PDZRN3: variants seen among roughly 807,000 people sequenced by gnomAD.
PDZRN3 encodes the protein E3 ubiquitin-protein ligase PDZRN3.
A neutral mutation model predicts 85.7 loss-of-function variants in PDZRN3; 38 were observed. The ratio of observed to expected loss-of-function variants is 0.44; its 90% CI spans 0.34 to 0.58. The LOEUF (loss-of-function observed/expected upper bound fraction) is 0.58. PDZRN3 is among the 20% of genes least tolerant of loss of function. The probability of loss-of-function intolerance (pLI) is 0.01; values close to 1 mark genes in which losing one functional copy is unlikely to be tolerated. For missense variants in PDZRN3, 1,629 were observed against 1,506.4 expected, an observed-to-expected ratio of 1.08 and a Z score of -1.35; for synonymous variants, 759 against 638.0, an observed-to-expected ratio of 1.19 and a Z score of -2.86.
Position 73,624,848 on chromosome 3 carries a change from CGCCGCCGG to C in PDZRN3, c.-31_-24del. 1 of 1,270,468 alleles carries C rather than the reference CGCCGCCGG, an allele frequency of 7.9e-7. No individual in the cohort carries two copies. The highest frequency in any genetic ancestry group is 9.9e-7 in the Non-Finnish European group (1 of 1,010,552). The allele number at this position is 1,270,468 out of a possible 1,614,324, so 78.7% of individuals were successfully genotyped here. A position where few individuals can be genotyped will look rare whatever the true frequency, so the allele number is the denominator to read the frequency against. ...CATGGTGGCGGCCAGGCCCCGGGGT[CGCCGCCGG>C]GCGGCCGGGCGCCCCCTCCCTCCCC... is the stretch of plus-strand genomic sequence containing the variant. On this transcript the variant is annotated 5_prime_UTR_variant, in exon 1 of 10. Coordinates refer to ENST00000263666, the MANE Select transcript of PDZRN3 (RefSeq NM_015009.3).
intron 1 of PDZRN3, 41 bp from the exon 2 acceptor site, chr3:73,608,725 G>T (rs762066539): frequency 8.4e-7 from 1 of 1,194,704 alleles, no homozygotes; most frequent in East Asian, 2.5e-5. Flanking sequence ...TTTACCAACA[G>T]GGAATAGATG....
intron 3 of PDZRN3, among the ~76,000 whole-genome samples, chr3:73,529,241 T>A (rs776238281): frequency 1.3e-5 from 2 of 152,208 alleles, no homozygotes; most frequent in Non-Finnish European, 2.9e-5. Context: ...TGGTCTAGCT[T>A]CTTGTTTAGT....
chr3:73,575,488 T>C (rs1702109734), intron 3 of PDZRN3, among the ~76,000 whole-genome samples: 2 of 152,144 alleles, frequency 1.3e-5, no homozygotes, highest in African/African-American at 4.8e-5. Context: ...CCTTCTCAAG[T>C]AGAAACGCGA....
chr3:73,543,187 G>A (rs996126672), intron 3 of PDZRN3, among the ~76,000 whole-genome samples: 2 of 152,198 alleles, frequency 1.3e-5, no homozygotes, highest in African/African-American at 2.4e-5. Flanking sequence ...AGAGCAGAAA[G>A]GGGACAAAGG....
intron 3 of PDZRN3, among the ~76,000 whole-genome samples, chr3:73,496,797 T>C (rs7426625): frequency 0.95 from 144,232 of 152,218 alleles, 68,786 homozygotes; most frequent in East Asian, 1. Context: ...AATCCATCCC[T>C]CAAATTAGCA....
intron 1 of PDZRN3, among the ~76,000 whole-genome samples, chr3:73,609,121 G>A (rs1265187051): frequency 6.6e-6 from 1 of 152,110 alleles, no homozygotes; most frequent in Admixed American, 6.6e-5. Flanking sequence ...AAGTGTGAGT[G>A]CATGCATGGC....
intron 3 of PDZRN3, among the ~76,000 whole-genome samples, chr3:73,482,763 C>T (rs981342377): frequency 1.3e-5 from 2 of 152,214 alleles, no homozygotes; most frequent in African/African-American, 4.8e-5. Context: ...TGCTATAAGA[C>T]ACCATTACAT....
At chr3:73,526,029 A>G (rs965664716) in intron 3 of PDZRN3, among the ~76,000 whole-genome samples, 1 of 152,176 alleles carries the variant, frequency 6.6e-6, no homozygotes, top group Non-Finnish European at 1.5e-5. Context: ...GTCGGCTCCC[A>G]ATCTCAGCTC....
chr3:73,384,625 G>A lies in PDZRN3; in HGVS notation c.1941C>T (p.Arg647=), dbSNP rs558539857. ...CCTGGCACTTGAGCTCCAGGAGCTC[G>A]CGGAAGCGCTCGCACTCGTCCACCG... is the stretch of plus-strand genomic sequence containing the variant. ...GIPVDECERF[R]ELLELKCQVK... is the part of the protein sequence containing the mutation. The change falls in exon 10 of 10, where the codon CGC becomes CGT. Residue 647 remains arginine (R), a synonymous_variant. Transcript: ENST00000263666. 6.2e-7 allele frequency: 1 copy of A among 1,613,824 alleles called. No homozygotes were observed. The highest frequency in any genetic ancestry group is 1.1e-5 in the South Asian group (1 of 91,076).
chr3:73,485,073 C>T (rs1227463340), intron 3 of PDZRN3, among the ~76,000 whole-genome samples: 1 of 152,136 alleles, frequency 6.6e-6, no homozygotes, highest in African/African-American at 2.4e-5. Context: ...AGTCTCAGTT[C>T]TCTGACTTGT....
chr3:73,512,084 A>G (rs1048022525), intron 3 of PDZRN3, among the ~76,000 whole-genome samples: 2 of 152,364 alleles, frequency 1.3e-5, no homozygotes, highest in Admixed American at 1.3e-4. Context: ...CTCAGCATAC[A>G]CACACCTAGG....
chr3:73,511,741 AGGACT>A (rs1458014025), intron 3 of PDZRN3, among the ~76,000 whole-genome samples: 1 of 152,236 alleles, frequency 6.6e-6, no homozygotes, highest in African/African-American at 2.4e-5. Context: ...TTTGCAACCA[AGGACT>A]GGCGGCCGCA....
intron 3 of PDZRN3, among the ~76,000 whole-genome samples, chr3:73,416,879 T>TTTTTTTTTTG (rs1702097654): frequency 2.2e-4 from 3 of 13,616 alleles, no homozygotes; most frequent in African/African-American, 6.9e-4. Context: ...TTTTTTGGTT[T>TTTTTTTTTTG]TTTTTTTTTT....
chr3:73,616,403 C>T (rs1162224199), intron 1 of PDZRN3, among the ~76,000 whole-genome samples: 2 of 152,178 alleles, frequency 1.3e-5, no homozygotes, highest in African/African-American at 4.8e-5. Flanking sequence ...GCCAGTCTCT[C>T]CATAGCTTTG....
At chr3:73,420,172 AC>A (rs1176366668) in intron 3 of PDZRN3, among the ~76,000 whole-genome samples, 2 of 152,142 alleles carry the variant, frequency 1.3e-5, no homozygotes, top group Non-Finnish European at 2.9e-5. Flanking sequence ...TGTCTTGGAG[AC>A]TATGCCTGGC....
intron 3 of PDZRN3, among the ~76,000 whole-genome samples, chr3:73,484,668 T>C (rs935931222): frequency 4.6e-5 from 7 of 152,224 alleles, no homozygotes; most frequent in African/African-American, 1.7e-4. Context: ...GGACTAGGTA[T>C]GGCTTTGGGA....
chr3:73,576,456 C>A (rs1575747096), intron 3 of PDZRN3, among the ~76,000 whole-genome samples: 1 of 152,072 alleles, frequency 6.6e-6, no homozygotes, highest in South Asian at 2.1e-4. Flanking sequence ...AAGAAGAATG[C>A]CATAGCCTGA....
chr3:73,489,780 C>T (rs1703736793), intron 3 of PDZRN3, among the ~76,000 whole-genome samples: 1 of 151,834 alleles, frequency 6.6e-6, no homozygotes, highest in South Asian at 2.1e-4. Context: ...ATCAGTTGGC[C>T]AGGCTGGTCT....
chr3:73,459,695 T>C (rs138147855), intron 3 of PDZRN3, among the ~76,000 whole-genome samples: 5 of 152,270 alleles, frequency 3.3e-5, no homozygotes, highest in South Asian at 2.1e-4. Context: ...TTCTTCTTTT[T>C]ACGGCTGCAT....
Sources: allele counts gnomAD v4.1 joint callset (sites outside exome capture counted in the v4.1 genomes callset), GRCh38; gene constraint gnomAD v4.1.1; transcripts MANE v1.5; gene names NCBI Gene and HGNC (gene_info 2026-07-23, HGNC 2026-07-21).